GSG1L: variants seen among roughly 807,000 people sequenced by gnomAD.
GSG1L encodes the protein GSG1 like, also known as germ cell-specific gene 1-like protein.
GSG1L carries 24 observed loss-of-function variants against 42.1 expected under a neutral mutation model. That is an observed-to-expected ratio of 0.57 (90% CI 0.41 to 0.80). The LOEUF (loss-of-function observed/expected upper bound fraction) is 0.80, where lower values mean the gene tolerates loss of function less well. Ranked by LOEUF, GSG1L falls within the 30% of genes least tolerant of loss-of-function variation. The pLI is 0.00. For synonymous variants in GSG1L, 215 were observed against 203.5 expected (o/e 1.06, Z -0.48); for missense variants, 445 against 472.2 (o/e 0.94, Z 0.53).
At chr16:27,885,176 G>A (rs1403388578) in intron 2 of GSG1L, among the ~76,000 whole-genome samples, 1 of 152,040 alleles carries the variant, frequency 6.6e-6, no homozygotes. Flanking sequence ...TTGAGAAAGG[G>A]TCTCGCTCTG....
chr16:28,063,081 C>A lies in GSG1L; in HGVS notation c.344G>T (p.Gly115Val). The A allele has an allele frequency of 7.0e-7, 1 of 1,428,892 alleles. No individual in the cohort carries two copies. Among genetic ancestry groups the A allele is most frequent in the Non-Finnish European group, 9.2e-7 (1 of 1,085,486 alleles). 88.5% of individuals were successfully genotyped at this position (1,428,892 alleles called of 1,614,324 possible). The change falls in exon 1 of 7, where the codon GGG becomes GTG. Residue 115 changes from glycine to valine, a missense_variant. Physicochemically the swap from Gly to Val is moderately radical, Grantham distance 109 (BLOSUM62 -3). This residue lies in a region of GSG1L where 149 missense variants were observed against 223.3 expected (regional missense o/e 0.67). Transcript: ENST00000447459. The surrounding 1 kb of genome is among the most constrained non-coding windows in gnomAD (Gnocchi z 5.8). ...IWYSCEEELS[G>V]LGEKCRSFID... is the part of the protein sequence containing the mutation. ...CGCCGCCCGCGCGCACTCACCAAGC[C>A]CGCTGAGCTCCTCCTCGCACGAGTA...
chr16:27,902,521 G>A (rs2084272122), intron 2 of GSG1L, among the ~76,000 whole-genome samples: 1 of 152,106 alleles, frequency 6.6e-6, no homozygotes, highest in Non-Finnish European at 1.5e-5. Flanking sequence ...GGGTGCCGAT[G>A]ATGAGACGGG....
intron 3 of GSG1L, among the ~76,000 whole-genome samples, chr16:27,878,402 A>G (rs1268320940): frequency 6.6e-6 from 1 of 152,112 alleles, no homozygotes; most frequent in Non-Finnish European, 1.5e-5. Context: ...CCCCTTATGA[A>G]ACCATCAGAA....
intron 6 of GSG1L, among the ~76,000 whole-genome samples, chr16:27,801,196 T>C (rs1197127716): frequency 1.3e-5 from 2 of 152,152 alleles, no homozygotes; most frequent in African/African-American, 4.8e-5. Context: ...GGAAGAGGCC[T>C]ACGGGGTTGG....
intron 5 of GSG1L, among the ~76,000 whole-genome samples, chr16:27,821,792 T>C (rs974827326): frequency 3.1e-4 from 47 of 151,972 alleles, no homozygotes; most frequent in African/African-American, 1.1e-3. Context: ...TAGTCCCAGT[T>C]ACTCAGGAGG....
chr16:27,826,244 G>A (rs1455814847), intron 5 of GSG1L, among the ~76,000 whole-genome samples: 3 of 152,114 alleles, frequency 2.0e-5, no homozygotes, highest in Non-Finnish European at 4.4e-5. Flanking sequence ...GGCTGAGAGA[G>A]GGGCCTGTTA....
At chr16:27,940,033 A>C (rs1301747920) in intron 2 of GSG1L, among the ~76,000 whole-genome samples, 1 of 152,194 alleles carries the variant, frequency 6.6e-6, no homozygotes, top group African/African-American at 2.4e-5. Context: ...CCCATCAAAA[A>C]GCGGGCAAGG....
intron 1 of GSG1L, among the ~76,000 whole-genome samples, chr16:28,048,231 A>AT (rs1555516726): frequency 6.6e-6 from 1 of 151,972 alleles, no homozygotes; most frequent in African/African-American, 2.4e-5. Context: ...CTGCCTCAAA[A>AT]ATATATATAT....
intron 6 of GSG1L, among the ~76,000 whole-genome samples, chr16:27,801,843 G>A (rs12920190): frequency 0.13 from 19,406 of 152,170 alleles, 1,658 homozygotes; most frequent in Non-Finnish European, 0.19. Flanking sequence ...CTGGGCCTCC[G>A]TTTCCTCGTC....
intron 3 of GSG1L, among the ~76,000 whole-genome samples, chr16:27,865,600 C>CGT (rs2083713759): frequency 7.7e-6 from 1 of 130,346 alleles, no homozygotes; most frequent in African/African-American, 2.8e-5. Flanking sequence ...CATACACACA[C>CGT]ATATATATAC....
At chr16:27,807,406 C>T (rs2082978114) in intron 6 of GSG1L, 81 bp downstream of exon 6, 4 of 1,191,608 alleles carry the variant, frequency 3.4e-6, no homozygotes, top group Non-Finnish European at 3.7e-6. Flanking sequence ...TGGGGGCTGG[C>T]CTGACTCTTC....
intron 3 of GSG1L, among the ~76,000 whole-genome samples, chr16:27,869,140 C>T (rs1367564722): frequency 6.8e-6 from 1 of 147,276 alleles, no homozygotes; most frequent in Admixed American, 6.6e-5. Context: ...TGGGGCTCCT[C>T]ACTGAGGATG....
chr16:27,954,111 G>A (rs954046572), intron 2 of GSG1L, among the ~76,000 whole-genome samples: 1 of 152,090 alleles, frequency 6.6e-6, no homozygotes. Context: ...GCAGTTGGAG[G>A]TGGAATCTAG....
chr16:27,958,945 G>A (rs1387891045), intron 2 of GSG1L, among the ~76,000 whole-genome samples: 2 of 152,168 alleles, frequency 1.3e-5, no homozygotes, highest in African/African-American at 4.8e-5. Flanking sequence ...AAAGTGCTGG[G>A]ATTACAGGCA....
At chr16:27,999,192 C>G (rs1410406028) in intron 1 of GSG1L, among the ~76,000 whole-genome samples, 3 of 152,156 alleles carry the variant, frequency 2.0e-5, no homozygotes, top group Non-Finnish European at 4.4e-5. Flanking sequence ...CGTGTAATCC[C>G]AGAACTTTGG....
In GSG1L at chr16:27,845,027, C is replaced by A. The variant is rs147073748; in HGVS notation, c.585G>T (p.Thr195=). 3.7e-6 allele frequency: 6 copies of A among 1,613,658 alleles called. No individual in the cohort carries two copies. Among genetic ancestry groups the A allele is most frequent in the Non-Finnish European group, 5.1e-6 (6 of 1,179,752 alleles). Residue 195 remains threonine, a synonymous_variant, in exon 4 of 7, where the codon ACG becomes ACT. Transcript: ENST00000447459. ...LLGMVAHMMY[T]QVFQVTVSLG... ...GGCTCACGGTGACCTGGAACACCTG[C>A]GTGTACATCATGTGGGCGACCATTC...
At chr16:28,037,779 C>A (rs2086057889) in intron 1 of GSG1L, among the ~76,000 whole-genome samples, 1 of 152,210 alleles carries the variant, frequency 6.6e-6, no homozygotes, top group Non-Finnish European at 1.5e-5. Context: ...TGGACTCACC[C>A]ATTAGATCCT....
At chr16:27,801,624 C>T (rs1015355181) in intron 6 of GSG1L, among the ~76,000 whole-genome samples, 3 of 152,168 alleles carry the variant, frequency 2.0e-5, no homozygotes, top group Non-Finnish European at 4.4e-5. Context: ...CTCATTTGAT[C>T]GGCTGCTTCT....
chr16:28,061,916 C>A (rs1167019046), intron 1 of GSG1L, among the ~76,000 whole-genome samples: 1 of 152,172 alleles, frequency 6.6e-6, no homozygotes, highest in Non-Finnish European at 1.5e-5. Flanking sequence ...AGGCCTGGAG[C>A]TTTTCACTGG....
Sources: gnomAD v4.1 joint callset for allele counts (sites outside exome capture counted in the v4.1 genomes callset) on GRCh38, gnomAD v4.1.1 for gene constraint, gnomAD v4.1.1 regional missense constraint, Gnocchi (gnomAD v3.1) non-coding constraint, MANE v1.5 for transcripts, NCBI Gene and HGNC (gene_info 2026-07-23, HGNC 2026-07-21) for gene names.